Variants in PLCE1 observed in about 807,000 individuals in gnomAD.
PLCE1 encodes the protein 1-phosphatidylinositol 4,5-bisphosphate phosphodiesterase epsilon-1.
Under a neutral mutation model 242.8 loss-of-function variants are expected in PLCE1, and 119 were observed. The ratio of observed to expected loss-of-function variants is 0.49; its 90% confidence interval spans 0.42 to 0.57. The LOEUF is 0.57. Among genes scored for constraint, PLCE1 ranks in the 20% least tolerant of loss-of-function variants. The probability of loss-of-function intolerance (pLI) is 0.00; values close to 1 mark genes in which losing one functional copy is unlikely to be tolerated. For missense variants in PLCE1, 2,441 were observed against 2,788.8 expected (o/e 0.88, Z 2.81); for synonymous variants, 945 against 1,017.4 (o/e 0.93, Z 1.35).
In PLCE1 at chr10:94,030,669, C is replaced by A. The variant is rs2061540556; in HGVS notation, c.-364-14C>A. 1 of 238,328 alleles carries A rather than the reference C, an allele frequency of 4.2e-6. No individual in the cohort carries two copies. The highest frequency in any genetic ancestry group is 5.2e-5 in the Admixed American group (1 of 19,328). 14.8% of individuals were successfully genotyped at this position (238,328 alleles called of 1,614,324 possible). On this transcript the variant is annotated splice_polypyrimidine_tract_variant and intron_variant, in intron 1 of 32. Coordinates refer to ENST00000371380, the MANE Select transcript of PLCE1 (RefSeq NM_016341.4). ...TGAGTGCCACAGTGTTTGACATTATCTCTTTTCTTACAGGAAACAGGAATC... is the reference window on the plus strand; with the variant it reads ...TGAGTGCCACAGTGTTTGACATTATATCTTTTCTTACAGGAAACAGGAATC...
intron 2 of PLCE1, among the ~76,000 whole-genome samples, chr10:94,043,782 C>T (rs2061822085): frequency 6.6e-6 from 1 of 152,176 alleles, no homozygotes; most frequent in Non-Finnish European, 1.5e-5. Flanking sequence ...TGGCCACAAA[C>T]CAAATATGGG....
intron 2 of PLCE1, among the ~76,000 whole-genome samples, chr10:94,036,938 A>G (rs1032053399): frequency 2.0e-5 from 3 of 152,174 alleles, no homozygotes; most frequent in African/African-American, 4.8e-5. Flanking sequence ...GATTTACTGT[A>G]CAAGAATATG....
intron 2 of PLCE1, among the ~76,000 whole-genome samples, chr10:94,074,990 T>C (rs1451736750): frequency 6.6e-6 from 1 of 152,200 alleles, no homozygotes; most frequent in East Asian, 1.9e-4. Flanking sequence ...GTCAGTAGGA[T>C]TTCAAGTGCC....
chr10:94,249,637 G>A (rs1196501455), intron 8 of PLCE1, among the ~76,000 whole-genome samples: 3 of 152,146 alleles, frequency 2.0e-5, no homozygotes, highest in Non-Finnish European at 4.4e-5. Context: ...AAGTATTTGA[G>A]TACTACTGAT....
intron 2 of PLCE1, among the ~76,000 whole-genome samples, chr10:94,062,582 G>GTTTTTTTTTTTTTTTTTGTTTTGT (rs5787099): frequency 7.0e-6 from 1 of 142,350 alleles, no homozygotes; most frequent in Non-Finnish European, 1.5e-5. Flanking sequence ...TCTTGGTTTT[G>GTTTTTTTTTTTTTTTTTGTTTTGT]TTTTTTTTTT....
chr10:94,032,248 A>T lies in PLCE1; in HGVS notation c.1202A>T (p.Tyr401Phe). The change falls in exon 2 of 33, where the codon TAT becomes TTT. Residue 401 changes from tyrosine to phenylalanine, a missense_variant. This residue lies in a region of PLCE1 where 733 missense variants were observed against 754.2 expected (regional missense o/e 0.97). Transcript: ENST00000371380. ...GSQRLSEAQW[Y>F]PIYNAVRREE... Reference sequence around the variant, plus strand: ...CAACGTCTGTCAGAAGCCCAGTGGTATCCTGTAAGCATTTGAGTTTCTTTT... The same window carrying T: ...CAACGTCTGTCAGAAGCCCAGTGGTTTCCTGTAAGCATTTGAGTTTCTTTT... 6.2e-7 allele frequency: 1 copy of T among 1,613,212 alleles called. No individual in the cohort carries two copies. The highest frequency in any genetic ancestry group is 8.5e-7 in the Non-Finnish European group (1 of 1,179,522).
chr10:94,021,233 T>G (rs1257543333), intron 1 of PLCE1, among the ~76,000 whole-genome samples: 82 of 33,040 alleles, frequency 2.5e-3, no homozygotes, highest in African/African-American at 9.1e-3. Context: ...TCTTAATGGT[T>G]TTTTTTTTTT....
At chr10:94,096,004 T>C (rs113520956) in intron 2 of PLCE1, among the ~76,000 whole-genome samples, 12 of 152,150 alleles carry the variant, frequency 7.9e-5, no homozygotes, top group African/African-American at 1.9e-4. Context: ...TCAGCTGTTA[T>C]TGGGGGCTTC....
intron 13 of PLCE1, 44 bp from the exon 14 acceptor site, chr10:94,262,450 G>A (rs1284952385): frequency 1.5e-6 from 2 of 1,323,274 alleles, no homozygotes; most frequent in Admixed American, 3.4e-5. Context: ...CTTTGCAAAA[G>A]ATGCTGGCTA....
intron 1 of PLCE1, among the ~76,000 whole-genome samples, chr10:94,016,854 C>A (rs997186903): frequency 4.6e-5 from 7 of 151,902 alleles, no homozygotes; most frequent in Non-Finnish European, 1.0e-4. Context: ...TATGGTACGG[C>A]ACTTTGGCCA....
intron 4 of PLCE1, among the ~76,000 whole-genome samples, chr10:94,193,206 A>G (rs1240158998): frequency 6.6e-6 from 1 of 152,182 alleles, no homozygotes; most frequent in East Asian, 1.9e-4. Context: ...TTTTAGCCTG[A>G]GATTTGGATA....
chr10:94,233,125 C>T (rs1012430208), intron 5 of PLCE1, among the ~76,000 whole-genome samples: 5 of 152,194 alleles, frequency 3.3e-5, no homozygotes, highest in African/African-American at 1.2e-4. Context: ...CAGGTAACAC[C>T]TTGTGAGGGC....
intron 3 of PLCE1, among the ~76,000 whole-genome samples, chr10:94,150,506 C>G (rs2047240138): frequency 6.6e-6 from 1 of 152,112 alleles, no homozygotes; most frequent in African/African-American, 2.4e-5. Flanking sequence ...AGAGGCACAC[C>G]AAAGTATTTG....
rs2051020668 is a variant in PLCE1 at position 94,255,029 on chromosome 10, T to C, written c.3534T>C (p.Ser1178=). The C allele has an allele frequency of 1.2e-6, 2 of 1,614,130 alleles. No individual in the cohort carries two copies. The highest frequency in any genetic ancestry group is 2.2e-5 in the South Asian group (2 of 91,078). ...IRPVSSPVLS[S]SNKSPSSAWS... The stretch of plus-strand genomic sequence containing the variant: ...CAGTGTCCTCCCCTGTGCTGTCTTC[T>C]TCAAACAAGAGCCCATCCAGGTGGG... Residue 1178 remains serine (S), a synonymous_variant, in exon 11 of 33, where the codon TCT becomes TCC. Coordinates refer to ENST00000371380, the MANE Select transcript of PLCE1 (RefSeq NM_016341.4).
chr10:94,312,136 A>G (rs1054764368), intron 27 of PLCE1, among the ~76,000 whole-genome samples: 1 of 152,252 alleles, frequency 6.6e-6, no homozygotes, highest in Non-Finnish European at 1.5e-5. Flanking sequence ...TGCAAGCTAA[A>G]TGATACAATT....
intron 2 of PLCE1, among the ~76,000 whole-genome samples, chr10:94,128,566 C>T (rs141190388): frequency 2.6e-5 from 4 of 152,028 alleles, no homozygotes; most frequent in Non-Finnish European, 5.9e-5. Context: ...TGGCTGATAA[C>T]GATGTTGAAA....
chr10:94,140,683 G>A (rs1224337344), intron 3 of PLCE1, among the ~76,000 whole-genome samples: 2 of 152,176 alleles, frequency 1.3e-5, no homozygotes, highest in African/African-American at 2.4e-5. Flanking sequence ...ATTATAACTC[G>A]TAAATACTTT....
intron 7 of PLCE1, among the ~76,000 whole-genome samples, chr10:94,239,110 A>G (rs960338861): frequency 1.3e-5 from 2 of 152,224 alleles, no homozygotes; most frequent in African/African-American, 2.4e-5. Context: ...ACGGCATACT[A>G]TAAGTGCCAA....
chr10:94,159,010 AT>A (rs141115849), intron 3 of PLCE1, among the ~76,000 whole-genome samples: 15,877 of 151,240 alleles, frequency 0.1, 1,719 homozygotes, highest in East Asian at 0.55. Context: ...ACTTCTTTAT[AT>A]TTTCCACGTT....
Sources: allele counts gnomAD v4.1 joint callset (sites outside exome capture counted in the v4.1 genomes callset), GRCh38; gene constraint gnomAD v4.1.1; regional missense constraint gnomAD v4.1.1; transcripts MANE v1.5; gene names NCBI Gene and HGNC (gene_info 2026-07-23, HGNC 2026-07-21).